PPP2R2B: variants seen among roughly 807,000 people sequenced by gnomAD.
PPP2R2B encodes the protein serine/threonine-protein phosphatase 2A 55 kDa regulatory subunit B beta isoform.
PPP2R2B carries 5 observed loss-of-function variants against 46.0 expected under a neutral mutation model. The ratio of observed to expected loss-of-function variants is 0.11; its 90% CI spans 0.06 to 0.23. The LOEUF (loss-of-function observed/expected upper bound fraction) is 0.23, where lower values mean the gene tolerates loss of function less well. Among genes scored for constraint, PPP2R2B ranks in the 10% least tolerant of loss-of-function variants. The probability of loss-of-function intolerance (pLI) is 1.00; values close to 1 mark genes in which losing one functional copy is unlikely to be tolerated. For synonymous variants in PPP2R2B, 215 were observed against 206.7 expected (o/e 1.04, Z -0.34); for missense variants, 367 against 575.0 (o/e 0.64, Z 3.70).
At chr5:146,783,133 G>A (rs1220319313) in intron 2 of PPP2R2B, among the ~76,000 whole-genome samples, 1 of 152,182 alleles carries the variant, frequency 6.6e-6, no homozygotes, top group Non-Finnish European at 1.5e-5. Context: ...TAAGATTAAT[G>A]TCATGGGCTT....
At chr5:146,966,403 G>A (rs1014584123) in intron 1 of PPP2R2B, among the ~76,000 whole-genome samples, 4 of 152,092 alleles carry the variant, frequency 2.6e-5, no homozygotes, top group Non-Finnish European at 5.9e-5. Context: ...TGCTTATGTA[G>A]ACTCCCCTCT....
intron 2 of PPP2R2B, among the ~76,000 whole-genome samples, chr5:146,770,157 C>T (rs1361410170): frequency 3.3e-5 from 5 of 151,512 alleles, no homozygotes; most frequent in South Asian, 2.1e-4. Context: ...TGTGAAACCC[C>T]GTCTCTACTA....
Position 146,928,430 on chromosome 5 carries a change from T to C in PPP2R2B, c.79+127235A>G, listed in dbSNP as rs182554493. On this transcript the variant is annotated intron_variant, in intron 1 of 8. Transcript: ENST00000336640. ...CACCTATAGGCTTTTTCCATCTTGA[T>C]TGATATTAATTTATCTGCTCAGATG... Among the ~76,000 whole-genome samples, 486 of 152,158 alleles carry C rather than the reference T, an allele frequency of 3.2e-3. 5 individuals carry two copies. The highest frequency in any genetic ancestry group is 0.011 in the African/African-American group (464 of 41,532).
At chr5:146,647,098 T>C (rs1445003238) in intron 6 of PPP2R2B, among the ~76,000 whole-genome samples, 1 of 152,218 alleles carries the variant, frequency 6.6e-6, no homozygotes, top group Admixed American at 6.5e-5. Flanking sequence ...TTTCTAACCA[T>C]ATCTCCAGAT....
chr5:146,882,542 A>G (rs1262474086), upstream of PPP2R2B, among the ~76,000 whole-genome samples: 2 of 152,234 alleles, frequency 1.3e-5, no homozygotes, highest in African/African-American at 4.8e-5. Flanking sequence ...AGGAAAATGA[A>G]TAGTATTTGT....
intron 2 of PPP2R2B, among the ~76,000 whole-genome samples, chr5:146,714,632 G>A (rs2151185829): frequency 6.6e-6 from 1 of 152,100 alleles, no homozygotes; most frequent in East Asian, 1.9e-4. Flanking sequence ...ATCTGTACAG[G>A]TTCAAACCCT....
At chr5:146,602,593 T>G (rs897184201) in intron 7 of PPP2R2B, among the ~76,000 whole-genome samples, 1 of 152,206 alleles carries the variant, frequency 6.6e-6, no homozygotes, top group Non-Finnish European at 1.5e-5. Flanking sequence ...GCCTGCTCAA[T>G]GCACTCGCAT....
At chr5:146,818,241 G>A (rs1758047741) in intron 2 of PPP2R2B, among the ~76,000 whole-genome samples, 2 of 152,180 alleles carry the variant, frequency 1.3e-5, no homozygotes, top group Middle Eastern at 3.4e-3. Context: ...GATAGCTGCT[G>A]TGGCCATAGC....
intron 2 of PPP2R2B, among the ~76,000 whole-genome samples, chr5:146,716,113 C>A (rs1581939816): frequency 6.6e-6 from 1 of 150,738 alleles, no homozygotes; most frequent in African/African-American, 2.5e-5. Flanking sequence ...ATCTGAGGAC[C>A]TAGCATAGGG....
At chr5:146,828,092 T>TAGTTGCA (rs1758692610) in intron 2 of PPP2R2B, among the ~76,000 whole-genome samples, 1 of 151,922 alleles carries the variant, frequency 6.6e-6, no homozygotes, top group African/African-American at 2.4e-5. Flanking sequence ...GCTGCTGCAA[T>TAGTTGCA]AGTTGCAACT....
chr5:146,955,391 A>C (rs1751845004), intron 1 of PPP2R2B, among the ~76,000 whole-genome samples: 2 of 152,194 alleles, frequency 1.3e-5, no homozygotes, highest in Non-Finnish European at 2.9e-5. Flanking sequence ...CAATGCCTAG[A>C]CTACATTTTG....
intron 2 of PPP2R2B, among the ~76,000 whole-genome samples, chr5:146,847,902 G>A (rs144156338): frequency 7.0e-4 from 106 of 152,310 alleles, no homozygotes; most frequent in African/African-American, 2.5e-3. Context: ...CTGCGGCTTG[G>A]CTTGGCAGCC....
At chr5:147,014,090 C>T (rs1481415002) in intron 1 of PPP2R2B, among the ~76,000 whole-genome samples, 1 of 123,130 alleles carries the variant, frequency 8.1e-6, no homozygotes, top group Non-Finnish European at 1.8e-5. Context: ...TGAACAGACA[C>T]TTCTCAAAAG....
intron 1 of PPP2R2B, among the ~76,000 whole-genome samples, chr5:146,928,608 C>A (rs914439991): frequency 3.3e-5 from 5 of 152,158 alleles, no homozygotes; most frequent in African/African-American, 4.8e-5. Context: ...GAAATACCAT[C>A]TTTCACAGGA....
intron 2 of PPP2R2B, among the ~76,000 whole-genome samples, chr5:146,872,250 G>T (rs1013055077): frequency 6.6e-6 from 1 of 152,188 alleles, no homozygotes; most frequent in African/African-American, 2.4e-5. Flanking sequence ...ATGCATTCTG[G>T]TTATTATGTT....
At chr5:146,635,878 C>G (rs1774785520) in intron 7 of PPP2R2B, among the ~76,000 whole-genome samples, 1 of 152,206 alleles carries the variant, frequency 6.6e-6, no homozygotes, top group South Asian at 2.1e-4. Context: ...ATCCTCAAGG[C>G]ATTTACTATC....
chr5:146,773,066 T>C (rs1180220382), intron 2 of PPP2R2B, among the ~76,000 whole-genome samples: 1 of 152,220 alleles, frequency 6.6e-6, no homozygotes. Context: ...TTTAAAATTG[T>C]GTTAGCACCT....
chr5:147,036,061 T>C (rs1288868795), intron 1 of PPP2R2B, among the ~76,000 whole-genome samples: 1 of 152,164 alleles, frequency 6.6e-6, no homozygotes, highest in Non-Finnish European at 1.5e-5. Context: ...GTTTGTTACA[T>C]AGGTAAACGT....
chr5:146,875,521 C>T (rs528927534), intron 2 of PPP2R2B, among the ~76,000 whole-genome samples: 1 of 152,198 alleles, frequency 6.6e-6, no homozygotes, highest in Non-Finnish European at 1.5e-5. Context: ...GAGTCCTTCA[C>T]ACTAACTACA....
Sources: gnomAD v4.1 joint callset for allele counts (sites outside exome capture counted in the v4.1 genomes callset) on GRCh38, gnomAD v4.1.1 for gene constraint, MANE v1.5 for transcripts, NCBI Gene and HGNC (gene_info 2026-07-23, HGNC 2026-07-21) for gene names.